The following GTF3C5 variants were observed in gnomAD, a reference collection of about 807,000 sequenced individuals.
GTF3C5 encodes the protein general transcription factor 3C polypeptide 5.
Under a neutral mutation model 61.0 loss-of-function variants are expected in GTF3C5, and 47 were observed. That is an observed-to-expected ratio of 0.77 (90% CI 0.61 to 0.98). The LOEUF (loss-of-function observed/expected upper bound fraction) is 0.98. Ranked by LOEUF, GTF3C5 falls within the 50% of genes least tolerant of loss-of-function variation. The pLI is 0.00. For synonymous variants in GTF3C5, 295 were observed against 275.4 expected, an observed-to-expected ratio of 1.07 and a Z score of -0.71; for missense variants, 659 against 703.3, an observed-to-expected ratio of 0.94 and a Z score of 0.71.
chr9:133,034,979 C>G (rs1339373695), intron 1 of GTF3C5, among the ~76,000 whole-genome samples: 1 of 152,170 alleles, frequency 6.6e-6, no homozygotes, highest in Non-Finnish European at 1.5e-5. Flanking sequence ...TCCATGGCAA[C>G]CGAGTCTCTA....
Position 133,056,037 on chromosome 9 carries a change from G to C in GTF3C5, c.1193G>C (p.Gly398Ala). The C allele has an allele frequency of 6.2e-7, 1 of 1,614,144 alleles. No homozygotes were observed. The highest frequency in any genetic ancestry group is 8.5e-7 in the Non-Finnish European group (1 of 1,179,994). Residue 398 changes from glycine (G) to alanine (A), a missense_variant, in exon 9 of 11, where the codon GGG becomes GCG. Physicochemically the swap from Gly to Ala is moderately conservative, Grantham distance 60 (BLOSUM62 0). Coordinates refer to ENST00000372097, the MANE Select transcript of GTF3C5 (RefSeq NM_012087.4). ...LKDSVYIFRE[G>A]ALPPYRQMFY... is the part of the protein sequence containing the mutation. Reference sequence around the variant, plus strand: ...GACTCTGTCTACATCTTCCGGGAAGGGGCCTTGCCACCCTATCGGCAGATG... The same window carrying C: ...GACTCTGTCTACATCTTCCGGGAAGCGGCCTTGCCACCCTATCGGCAGATG...
chr9:133,039,993 C>A (rs1352727748), intron 1 of GTF3C5, among the ~76,000 whole-genome samples: 1 of 152,216 alleles, frequency 6.6e-6, no homozygotes, highest in Non-Finnish European at 1.5e-5. Context: ...TAAGCACGGG[C>A]TGCCAGTAGA....
At chr9:133,048,160 T>G (rs984762279) in intron 3 of GTF3C5, among the ~76,000 whole-genome samples, 3 of 151,226 alleles carry the variant, frequency 2.0e-5, no homozygotes, top group African/African-American at 7.3e-5. Flanking sequence ...GGTTTGTTTT[T>G]TCTTCACCAC....
At chr9:133,054,651 T>C in intron 7 of GTF3C5, 61 bp from the exon 8 acceptor site, 1 of 1,469,790 alleles carries the variant, frequency 6.8e-7, no homozygotes, top group Non-Finnish European at 9.3e-7. Context: ...GGCATGGTGG[T>C]TGGGAGAGAC....
intron 8 of GTF3C5, 150 bp from the exon 9 acceptor site, chr9:133,055,862 C>T (rs1031662627): frequency 6.3e-6 from 9 of 1,436,740 alleles, no homozygotes; most frequent in South Asian, 1.5e-5. Flanking sequence ...CCCAACTCCT[C>T]CGTGGCCTTC....
chr9:133,054,346 C>T, intron 6 of GTF3C5, 62 bp from the exon 7 acceptor site: 1 of 1,361,518 alleles, frequency 7.3e-7, no homozygotes, highest in South Asian at 1.2e-5. Flanking sequence ...CAGTGTGAAG[C>T]CAGTGTTGTG....
intron 1 of GTF3C5, among the ~76,000 whole-genome samples, chr9:133,033,926 AT>A (rs1171691703): frequency 6.6e-6 from 1 of 152,016 alleles, no homozygotes; most frequent in Non-Finnish European, 1.5e-5. Flanking sequence ...TGGGCCTGAT[AT>A]GTTTGGGGAG....
At chr9:133,054,943 G>A in intron 8 of GTF3C5, 134 bp downstream of exon 8, 1 of 1,550,736 alleles carries the variant, frequency 6.4e-7, no homozygotes, top group Non-Finnish European at 8.7e-7. Context: ...CTTCCTTTTA[G>A]GTCAGCCTTC....
intron 1 of GTF3C5, among the ~76,000 whole-genome samples, chr9:133,034,643 A>C (rs1849815674): frequency 6.6e-6 from 1 of 152,064 alleles, no homozygotes; most frequent in African/African-American, 2.4e-5. Context: ...TCAGTAGTTA[A>C]GAGTACCAGA....
Position 133,052,114 on chromosome 9 carries a change from G to T in GTF3C5, c.823G>T (p.Val275Phe), listed in dbSNP as rs1253594467. The T allele has an allele frequency of 1.9e-6, 3 of 1,608,422 alleles. No individual in the cohort carries two copies. The highest frequency in any genetic ancestry group is 1.1e-5 in the South Asian group (1 of 90,274). The part of the protein sequence containing the change: ...SRNAVKANIS[V>F]HPDKLKVLLP... ...AAATGCTGTCAAGGCCAACATCAGC[G>T]TCCACCCAGACAAGCTCAAGGTCTT... The change falls in exon 5 of 11, where the codon GTC (valine) becomes TTC (phenylalanine). Residue 275 changes from valine (V) to phenylalanine (F), a missense_variant. Val to Phe is a conservative substitution (Grantham distance 50). Coordinates refer to ENST00000372097, the MANE Select transcript of GTF3C5 (RefSeq NM_012087.4).
intron 4 of GTF3C5, among the ~76,000 whole-genome samples, chr9:133,051,300 G>A (rs370109584): frequency 6.6e-6 from 1 of 152,258 alleles, no homozygotes; most frequent in South Asian, 2.1e-4. Flanking sequence ...AGCCAGTGGG[G>A]CACCTAGTGT....
Position 133,058,115 on chromosome 9 carries a change from C to T in GTF3C5, c.*135C>T. 6.6e-7 allele frequency: 1 copy of T among 1,504,968 alleles called. No individual in the cohort carries two copies. The highest frequency in any genetic ancestry group is 1.3e-5 in the South Asian group (1 of 74,612). The allele number at this position is 1,504,968 out of a possible 1,614,324, so 93.2% of individuals were successfully genotyped here. On this transcript the variant is annotated 3_prime_UTR_variant, in exon 11 of 11. Transcript: ENST00000372097. Reference sequence around the variant, plus strand: ...CCTCTGAGGAGAGCTAGAGTCCCAGCAAAGGGTGCAGCTGACCCTAGCACT... The same window carrying T: ...CCTCTGAGGAGAGCTAGAGTCCCAGTAAAGGGTGCAGCTGACCCTAGCACT...
In GTF3C5 at chr9:133,057,954, G is replaced by A. The variant is rs757512350; in HGVS notation, c.1534G>A (p.Glu512Lys). 24 of 1,613,892 alleles carry A rather than the reference G, an allele frequency of 1.5e-5. No homozygotes were observed. Residue 512 changes from glutamate (E) to lysine (K), a missense_variant, in exon 11 of 11, where the codon GAG (glutamate) becomes AAG (lysine). By Grantham distance (56) the Glu-to-Lys change is moderately conservative. Transcript: ENST00000372097. ...KPSDGSENEM[E>K]TEILDYV is the part of the protein sequence containing the mutation. The stretch of plus-strand genomic sequence containing the variant: ...ATCCGACGGCAGTGAAAACGAAATG[G>A]AGACAGAGATTCTGGACTACGTGTG...
chr9:133,035,930 G>A (rs1448501243), intron 1 of GTF3C5, among the ~76,000 whole-genome samples: 1 of 152,176 alleles, frequency 6.6e-6, no homozygotes, highest in Non-Finnish European at 1.5e-5. Context: ...GAGCTAGCCC[G>A]AAGGCGTACT....
upstream of GTF3C5, chr9:133,030,756 C>G: frequency 1.7e-6 from 1 of 596,510 alleles, no homozygotes; most frequent in Non-Finnish European, 3.1e-6. Context: ...GAGACTGGTG[C>G]TTGCCCCGCC....
chr9:133,055,037 CAG>C (rs1554730893), intron 8 of GTF3C5: 3 of 1,551,548 alleles, frequency 1.9e-6, no homozygotes, highest in African/African-American at 1.4e-5. Context: ...TGACAAGTCT[CAG>C]GGAAGTCTGG....
In GTF3C5 at chr9:133,043,886, G is replaced by GC. The variant is rs753342533; in HGVS notation, c.536dup (p.Val180GlyfsTer23). ...CCCACCCATCTTCTCCCGGCTGGAC[G>GC]CCCCGGTGGACTACTTCTACCGACC... On this transcript the variant is annotated frameshift_variant, in exon 3 of 11. Coordinates refer to ENST00000372097, the MANE Select transcript of GTF3C5 (RefSeq NM_012087.4). LOFTEE classifies it high-confidence loss of function. 1.9e-6 allele frequency: 3 copies of GC among 1,613,946 alleles called. No homozygotes were observed. The highest frequency in any genetic ancestry group is 2.5e-6 in the Non-Finnish European group (3 of 1,179,934).
chr9:133,056,935 T>C (rs752992962), intron 10 of GTF3C5, 27 bp downstream of exon 10: 1 of 1,549,498 alleles, frequency 6.5e-7, no homozygotes, highest in Non-Finnish European at 8.7e-7. Context: ...GTAAAGGGGG[T>C]CCAGGATGCC....
intron 3 of GTF3C5, among the ~76,000 whole-genome samples, chr9:133,049,759 ATGTG>A (rs765187044): frequency 6.6e-6 from 1 of 152,162 alleles, no homozygotes; most frequent in African/African-American, 2.4e-5. Context: ...TCTGCTTTGT[ATGTG>A]TGTGTATGTG....
Sources: allele counts gnomAD v4.1 joint callset (sites outside exome capture counted in the v4.1 genomes callset), GRCh38; gene constraint gnomAD v4.1.1; transcripts MANE v1.5; gene names NCBI Gene and HGNC (gene_info 2026-07-23, HGNC 2026-07-21).